MPHOSPH9: variants seen among roughly 807,000 people sequenced by gnomAD.
MPHOSPH9 encodes the protein M-phase phosphoprotein 9.
A neutral mutation model predicts 145.5 loss-of-function variants in MPHOSPH9; 88 were observed. The ratio of observed to expected loss-of-function variants is 0.60; its 90% CI spans 0.51 to 0.72. The LOEUF (loss-of-function observed/expected upper bound fraction) is 0.72. Ranked by LOEUF, MPHOSPH9 falls within the 30% of genes least tolerant of loss-of-function variation. The pLI, the probability that MPHOSPH9 is intolerant of heterozygous loss-of-function variation, is 0.00. For missense variants in MPHOSPH9, 1,238 were observed against 1,386.6 expected (o/e 0.89, Z 1.70); for synonymous variants, 435 against 486.2 (o/e 0.89, Z 1.39).
At chr12:123,196,969 T>TG (rs2045974853) in intron 12 of MPHOSPH9, among the ~76,000 whole-genome samples, 1 of 148,812 alleles carries the variant, frequency 6.7e-6, no homozygotes, top group South Asian at 2.1e-4. Flanking sequence ...GAAAGAAAAC[T>TG]GAGTAGTGGT....
chr12:123,184,592 G>T (rs531400671), intron 13 of MPHOSPH9, among the ~76,000 whole-genome samples: 1 of 151,738 alleles, frequency 6.6e-6, no homozygotes, highest in African/African-American at 2.4e-5. Context: ...CCGCCTCCCG[G>T]GTTCACGCCA....
chr12:123,202,543 C>T lies in MPHOSPH9; in HGVS notation c.1781+81G>A, dbSNP rs1473800544. ...TAAATCTCTAAGACTTTATGCAATA[C>T]TGAAGTTCAATAAAGATCATTTTCA... On this transcript the variant is annotated intron_variant, in intron 10 of 23. Coordinates refer to ENST00000606320, the MANE Select transcript of MPHOSPH9 (RefSeq NM_022782.4). 21 of 1,380,118 alleles carry T rather than the reference C, an allele frequency of 1.5e-5. No individual in the cohort carries two copies. In the East Asian group the frequency reaches 2.2e-4, roughly 14 times the overall value. 85.5% of individuals were successfully genotyped at this position (1,380,118 alleles called of 1,614,324 possible). A position where few individuals can be genotyped will look rare whatever the true frequency, so the allele number is the denominator to read the frequency against.
chr12:123,180,020 C>A, intron 14 of MPHOSPH9, 30 bp from the exon 15 acceptor site: 3 of 1,179,808 alleles, frequency 2.5e-6, no homozygotes, highest in Admixed American at 2.8e-5. Flanking sequence ...ATTCAGATAA[C>A]TGAAGACAAA....
chr12:123,190,095 A>G (rs2045611107), intron 13 of MPHOSPH9, among the ~76,000 whole-genome samples: 1 of 152,052 alleles, frequency 6.6e-6, no homozygotes, highest in African/African-American at 2.4e-5. Flanking sequence ...CCAGGAAGAC[A>G]GAAGTGATCA....
chr12:123,162,411 C>A (rs2044149896), intron 20 of MPHOSPH9, 193 bp from the exon 21 acceptor site: 5 of 366,530 alleles, frequency 1.4e-5, no homozygotes, highest in Middle Eastern at 1.5e-3. Context: ...AAACTAAAGA[C>A]TTAAAACACT....
intron 1 of MPHOSPH9, among the ~76,000 whole-genome samples, chr12:123,240,160 T>A (rs938774276): frequency 3.4e-5 from 5 of 146,486 alleles, no homozygotes; most frequent in Non-Finnish European, 6.0e-5. Context: ...GGTCAGGAGT[T>A]CGAGACCACC....
chr12:123,166,252 G>T, intron 17 of MPHOSPH9: 1 of 206,992 alleles, frequency 4.8e-6, no homozygotes, highest in Non-Finnish European at 9.5e-6. Flanking sequence ...AACTACAGGC[G>T]CATGTCACCA....
At chr12:123,195,070 T>G (rs763841007) in intron 12 of MPHOSPH9, among the ~76,000 whole-genome samples, 1 of 152,218 alleles carries the variant, frequency 6.6e-6, no homozygotes, top group African/African-American at 2.4e-5. Flanking sequence ...ATAGTTCTAC[T>G]GGAATACCAG....
chr12:123,203,228 G>A (rs367935852), intron 9 of MPHOSPH9, 22 bp downstream of exon 9: 39 of 1,610,268 alleles, frequency 2.4e-5, no homozygotes, highest in African/African-American at 1.1e-4. Context: ...ACGTTCACTC[G>A]GCAGAATGTG....
chr12:123,185,766 T>C (rs974746458), intron 13 of MPHOSPH9, among the ~76,000 whole-genome samples: 2 of 151,832 alleles, frequency 1.3e-5, no homozygotes, highest in African/African-American at 2.4e-5. Context: ...TAACAATAAA[T>C]GCAATGTGTG....
rs1216087094 is a variant in MPHOSPH9 at position 123,218,472 on chromosome 12, T to G, written c.900A>C (p.Lys300Asn). The change falls in exon 6 of 24, where the codon AAA becomes AAC. Residue 300 changes from lysine to asparagine, a missense_variant. Lys to Asn is a moderately conservative substitution (Grantham distance 94). Transcript: ENST00000606320. ...CTCTCTTTGGTTGGTTCTGCTTCAGTTTTTGTGCCCATGATGTTATAGCAT... is the reference window on the plus strand; with the variant it reads ...CTCTCTTTGGTTGGTTCTGCTTCAGGTTTTGTGCCCATGATGTTATAGCAT... ...NSNAITSWAQ[K>N]LKQNQPKRAH... 1 of 1,613,982 alleles carries G rather than the reference T, an allele frequency of 6.2e-7. No individual in the cohort carries two copies.
chr12:123,193,071 CAAAAAAAAAAAA>C (rs768866302), intron 13 of MPHOSPH9, among the ~76,000 whole-genome samples: 3 of 29,594 alleles, frequency 1.0e-4, no homozygotes, highest in African/African-American at 4.3e-4. Flanking sequence ...GATTGTCTTT[CAAAAAAAAAAAA>C]AAAAAAAAAA....
At chr12:123,219,307 A>G (rs552102400) in intron 5 of MPHOSPH9, among the ~76,000 whole-genome samples, 11 of 152,064 alleles carry the variant, frequency 7.2e-5, no homozygotes, top group Admixed American at 2.0e-4. Context: ...CAAAAAGACT[A>G]ACAGTGACAG....
intron 13 of MPHOSPH9, among the ~76,000 whole-genome samples, chr12:123,182,261 G>GTTGT (rs1555220931): frequency 1.6e-5 from 1 of 61,800 alleles, no homozygotes; most frequent in African/African-American, 3.4e-5. Context: ...TTTTTTTTTT[G>GTTGT]TTTTTTTTTT....
chr12:123,208,708 C>T (rs1008562404), intron 8 of MPHOSPH9, among the ~76,000 whole-genome samples: 58 of 151,884 alleles, frequency 3.8e-4, no homozygotes, highest in African/African-American at 1.4e-3. Context: ...ATAGTAGGCA[C>T]AATCCATTTA....
intron 8 of MPHOSPH9, among the ~76,000 whole-genome samples, chr12:123,209,592 T>G (rs1311717396): frequency 6.6e-6 from 1 of 151,982 alleles, no homozygotes; most frequent in Non-Finnish European, 1.5e-5. Context: ...GTATTTTTAG[T>G]AGAAACGGGG....
chr12:123,173,007 C>T (rs1412086931), intron 16 of MPHOSPH9, among the ~76,000 whole-genome samples: 2 of 149,304 alleles, frequency 1.3e-5, no homozygotes, highest in African/African-American at 4.9e-5. Flanking sequence ...TCCCGAGTAG[C>T]TGGGATTACA....
At chr12:123,179,224 T>C (rs2045012065) in intron 15 of MPHOSPH9, among the ~76,000 whole-genome samples, 1 of 152,160 alleles carries the variant, frequency 6.6e-6, no homozygotes, top group Non-Finnish European at 1.5e-5. Context: ...GGTCGAGAGA[T>C]CTGAGACCAG....
chr12:123,164,517 G>A (rs1306253714), intron 18 of MPHOSPH9, among the ~76,000 whole-genome samples: 1 of 152,124 alleles, frequency 6.6e-6, no homozygotes, highest in Non-Finnish European at 1.5e-5. Context: ...TGGTGACCTG[G>A]ACCTGTGAAA....
Sources: allele counts gnomAD v4.1 joint callset (sites outside exome capture counted in the v4.1 genomes callset), GRCh38; gene constraint gnomAD v4.1.1; transcripts MANE v1.5; gene names NCBI Gene and HGNC (gene_info 2026-07-23, HGNC 2026-07-21).